Variants in ABLIM1 observed in about 807,000 individuals in gnomAD.
ABLIM1 encodes the protein actin binding LIM protein 1, also known as actin-binding LIM protein 1.
ABLIM1 carries 40 observed loss-of-function variants against 107.0 expected under a neutral mutation model. The ratio of observed to expected loss-of-function variants is 0.37; its 90% CI spans 0.29 to 0.49. The LOEUF (loss-of-function observed/expected upper bound fraction) is 0.49, where lower values mean the gene tolerates loss of function less well. ABLIM1 is among the 20% of genes least tolerant of loss of function. ABLIM1 has a pLI of 0.97. For synonymous variants in ABLIM1, 357 were observed against 357.3 expected (o/e 1.00, Z 0.01); for missense variants, 857 against 1,008.5 (o/e 0.85, Z 2.04).
At chr10:114,593,408 C>A (rs1021402259) in intron 2 of ABLIM1, among the ~76,000 whole-genome samples, 4 of 152,166 alleles carry the variant, frequency 2.6e-5, no homozygotes, top group African/African-American at 9.7e-5. Flanking sequence ...CACAGCACAG[C>A]AGGCAGCATG....
At chr10:114,789,442 A>T in the ABLIM1 span, among the ~76,000 whole-genome samples, 10 of 152,058 alleles carry the variant, frequency 6.6e-5, no homozygotes, top group Non-Finnish European at 1.2e-4. Context: ...TGAGCTTCCC[A>T]TTGACATCAA....
At chr10:114,675,231 G>C (rs768536568) in intron 1 of ABLIM1, among the ~76,000 whole-genome samples, 3 of 152,120 alleles carry the variant, frequency 2.0e-5, no homozygotes, top group African/African-American at 7.2e-5. Flanking sequence ...AAGATGACAA[G>C]TATGTACCAG....
the ABLIM1 span, chr10:114,778,605 ACACACACATAC>A: frequency 2.0e-5 from 3 of 146,436 alleles, no homozygotes; most frequent in African/African-American, 8.3e-5. Flanking sequence ...ACACACACAC[ACACACACATAC>A]ATTTTAACAA....
At chr10:114,788,548 T>TA in the ABLIM1 span, among the ~76,000 whole-genome samples, 1 of 151,622 alleles carries the variant, frequency 6.6e-6, no homozygotes, top group Non-Finnish European at 1.5e-5. Context: ...ACCAATATGG[T>TA]GAAACCCCGT....
At chr10:114,636,434 G>A (rs921133531) in intron 1 of ABLIM1, among the ~76,000 whole-genome samples, 1 of 152,190 alleles carries the variant, frequency 6.6e-6, no homozygotes, top group African/African-American at 2.4e-5. Flanking sequence ...TCAAGGTACA[G>A]CATGATCTGT....
At chr10:114,798,839 A>AGT in the ABLIM1 span, among the ~76,000 whole-genome samples, 4 of 151,710 alleles carry the variant, frequency 2.6e-5, no homozygotes, top group Admixed American at 2.6e-4. Flanking sequence ...CTCTGTCGCC[A>AGT]GGCTGGAGTG....
At chr10:114,757,822 CAG>C (rs1218211116) in intron 1 of ABLIM1, among the ~76,000 whole-genome samples, 2 of 152,116 alleles carry the variant, frequency 1.3e-5, no homozygotes, top group Non-Finnish European at 2.9e-5. Context: ...TAATCTAACT[CAG>C]GGAAGAACTC....
chr10:114,718,033 G>A (rs2142011598), intron 1 of ABLIM1, among the ~76,000 whole-genome samples: 1 of 58,848 alleles, frequency 1.7e-5, no homozygotes, highest in South Asian at 5.8e-4. Flanking sequence ...GAAGGAAGGA[G>A]AAAGAGAAAG....
rs1017384714 is a variant in ABLIM1, at chr10:114,468,922, G to A, written c.1276-706C>T. Among the ~76,000 whole-genome samples the A allele has an allele frequency of 8.6e-5, 13 of 151,964 alleles. No individual in the cohort carries two copies. The East Asian group carries it at 2.5e-3, about 30-fold the overall frequency. On this transcript the variant is annotated intron_variant, in intron 10 of 22. Coordinates refer to ENST00000533213, the MANE Select transcript of ABLIM1 (RefSeq NM_002313.7). ...AAAAAATTAGCCAGGCGCGGTGGCGGGCGCCTGTAGTCCCAGCTACTTGGG... is the reference window on the plus strand; with the variant it reads ...AAAAAATTAGCCAGGCGCGGTGGCGAGCGCCTGTAGTCCCAGCTACTTGGG...
At chr10:114,455,373 T>C (rs2062618684) in intron 12 of ABLIM1, among the ~76,000 whole-genome samples, 1 of 152,236 alleles carries the variant, frequency 6.6e-6, no homozygotes, top group East Asian at 1.9e-4. Context: ...CTAAAAATTA[T>C]GAAATATCAT....
chr10:114,617,939 C>A (rs2077231696), intron 1 of ABLIM1, among the ~76,000 whole-genome samples: 1 of 152,110 alleles, frequency 6.6e-6, no homozygotes, highest in South Asian at 2.1e-4. Context: ...CATAGCAAGA[C>A]CCTGTCTCTA....
chr10:114,760,431 C>G (rs1258542936), intron 1 of ABLIM1, among the ~76,000 whole-genome samples: 2 of 151,276 alleles, frequency 1.3e-5, no homozygotes, highest in African/African-American at 4.9e-5. Context: ...CACACACACA[C>G]ACACACACAC....
intron 1 of ABLIM1, among the ~76,000 whole-genome samples, chr10:114,705,972 T>C (rs1300896364): frequency 1.3e-5 from 2 of 152,160 alleles, no homozygotes; most frequent in Non-Finnish European, 1.5e-5. Flanking sequence ...CTGAAACCTC[T>C]AATACAAGGC....
intron 1 of ABLIM1, among the ~76,000 whole-genome samples, chr10:114,767,771 G>C (rs1005568986): frequency 2.0e-5 from 3 of 152,190 alleles, no homozygotes; most frequent in Non-Finnish European, 4.4e-5. Flanking sequence ...GCTCCCGGCA[G>C]GGCAGCCAGC....
At chr10:114,442,562 C>A (rs1249893043) in intron 17 of ABLIM1, among the ~76,000 whole-genome samples, 2 of 152,208 alleles carry the variant, frequency 1.3e-5, no homozygotes, top group Non-Finnish European at 2.9e-5. Flanking sequence ...ACCACCGAAT[C>A]CAAGATCAAT....
chr10:114,646,591 C>T (rs578029992), intron 1 of ABLIM1, among the ~76,000 whole-genome samples: 90 of 152,232 alleles, frequency 5.9e-4, no homozygotes, highest in African/African-American at 2.0e-3. Context: ...TCAGAGATAC[C>T]GACCAAACGG....
the ABLIM1 span, among the ~76,000 whole-genome samples, chr10:114,791,281 G>T: frequency 5.9e-5 from 9 of 152,260 alleles, no homozygotes; most frequent in South Asian, 1.5e-3. Flanking sequence ...TAGAGACAGG[G>T]TCTTGCTTTG....
intron 6 of ABLIM1, among the ~76,000 whole-genome samples, chr10:114,531,283 G>A (rs892599416): frequency 1.3e-5 from 2 of 152,164 alleles, no homozygotes; most frequent in South Asian, 2.1e-4. Context: ...CTTGAGGCCC[G>A]GTATGTGAGG....
At chr10:114,716,247 TC>T (rs2141994460) in intron 1 of ABLIM1, among the ~76,000 whole-genome samples, 1 of 152,338 alleles carries the variant, frequency 6.6e-6, no homozygotes, top group East Asian at 1.9e-4. Context: ...GCTTTTGTCA[TC>T]ATCTGGCATG....
Sources: gnomAD v4.1 joint callset for allele counts (sites outside exome capture counted in the v4.1 genomes callset) on GRCh38, gnomAD v4.1.1 for gene constraint, MANE v1.5 for transcripts, NCBI Gene and HGNC (gene_info 2026-07-23, HGNC 2026-07-21) for gene names.